PARP14: variants seen among roughly 807,000 people sequenced by gnomAD.
The protein encoded by PARP14 is protein mono-ADP-ribosyltransferase PARP14.
A neutral mutation model predicts 154.2 loss-of-function variants in PARP14; 59 were observed. The observed-to-expected ratio is 0.38, with a 90% CI of 0.31 to 0.48. PARP14 has a LOEUF of 0.48. Among genes scored for constraint, PARP14 ranks in the 20% least tolerant of loss-of-function variants. PARP14 has a pLI of 0.98. For synonymous variants in PARP14, 720 were observed against 780.5 expected, an observed-to-expected ratio of 0.92 and a Z score of 1.29; for missense variants, 1,734 against 2,131.6, an observed-to-expected ratio of 0.81 and a Z score of 3.67.
At position 122,700,070 on chromosome 3, in the gene PARP14, C is replaced by T; in HGVS notation, c.1516C>T (p.Gln506Ter). 6.2e-7 allele frequency: 1 copy of T among 1,613,766 alleles called. No individual in the cohort carries two copies. Among genetic ancestry groups the T allele is most frequent in the Non-Finnish European group, 8.5e-7 (1 of 1,179,740 alleles). Residue 506 changes from glutamine to a stop codon, truncating the protein, a stop_gained, in exon 6 of 17, where the codon CAA becomes TAA. Transcript: ENST00000474629. LOFTEE classifies it high-confidence loss of function. ...AGAGATTTGTTACGATAGAGTCACTCAACACTTGTGCTTGAAAGGACCTAG... is the reference window on the plus strand; with the variant it reads ...AGAGATTTGTTACGATAGAGTCACTTAACACTTGTGCTTGAAAGGACCTAG... ...EIEICYDRVT[Q>*]HLCLKGPSAD...
At chr3:122,728,031 A>G in intron 16 of PARP14, 45 bp downstream of exon 16, 1 of 1,555,008 alleles carries the variant, frequency 6.4e-7, no homozygotes, top group Non-Finnish European at 8.8e-7. Flanking sequence ...GGCATCAGCC[A>G]TGAGAGCCCG....
intron 9 of PARP14, among the ~76,000 whole-genome samples, chr3:122,712,998 G>A (rs1939371650): frequency 6.6e-6 from 1 of 152,204 alleles, no homozygotes; most frequent in South Asian, 2.1e-4. Context: ...AAAGCTGGGA[G>A]AGAAAAGAGG....
At chr3:122,694,960 A>T (rs1296292931) in intron 4 of PARP14, among the ~76,000 whole-genome samples, 2 of 152,238 alleles carry the variant, frequency 1.3e-5, no homozygotes, top group East Asian at 3.8e-4. Context: ...TACAAAAATA[A>T]TGACTAGTTT....
chr3:122,694,412 T>A (rs993971233), intron 4 of PARP14, among the ~76,000 whole-genome samples: 1 of 152,210 alleles, frequency 6.6e-6, no homozygotes, highest in Admixed American at 6.5e-5. Flanking sequence ...CAATAGGCAA[T>A]TTATTTGCTC....
intron 8 of PARP14, among the ~76,000 whole-genome samples, chr3:122,707,746 T>G (rs1167019646): frequency 6.6e-6 from 1 of 152,126 alleles, no homozygotes; most frequent in African/African-American, 2.4e-5. Flanking sequence ...TGCAGTGAAC[T>G]GTGATCACGC....
intron 3 of PARP14, among the ~76,000 whole-genome samples, chr3:122,691,979 A>C (rs1938555076): frequency 6.6e-6 from 1 of 152,212 alleles, no homozygotes; most frequent in African/African-American, 2.4e-5. Flanking sequence ...AAATTTTTAA[A>C]ATTCATTTCC....
chr3:122,690,359 T>G (rs1938499897), intron 3 of PARP14, among the ~76,000 whole-genome samples: 1 of 152,202 alleles, frequency 6.6e-6, no homozygotes, highest in Non-Finnish European at 1.5e-5. Context: ...TCTCACTTAG[T>G]GCTAATTTAT....
chr3:122,691,766 A>G (rs1938547132), intron 3 of PARP14, among the ~76,000 whole-genome samples: 1 of 152,230 alleles, frequency 6.6e-6, no homozygotes, highest in Non-Finnish European at 1.5e-5. Context: ...CTAGAAATAG[A>G]TATCAAGTGC....
intron 15 of PARP14, 60 bp downstream of exon 15, chr3:122,720,448 A>G: frequency 1.3e-6 from 2 of 1,514,034 alleles, no homozygotes; most frequent in East Asian, 2.3e-5. Flanking sequence ...TCATGGTCCT[A>G]TATAAAATCC....
rs1214624087 is a variant in PARP14 at position 122,701,038 on chromosome 3, G to T, written c.2484G>T (p.Lys828Asn). The T allele has an allele frequency of 3.7e-6, 6 of 1,613,996 alleles. No homozygotes were observed. Among genetic ancestry groups the T allele is most frequent in the Non-Finnish European group, 5.1e-6 (6 of 1,179,844 alleles). The change falls in exon 6 of 17, where the codon AAG becomes AAT. Residue 828 changes from lysine (K) to asparagine (N), a missense_variant. By Grantham distance (94) the Lys-to-Asn change is moderately conservative (BLOSUM62 0). Around this residue, in one of 2 missense-constraint regions of PARP14, gnomAD observed 1,646 missense variants for 1,976.0 expected, o/e 0.83. Coordinates refer to ENST00000474629, the MANE Select transcript of PARP14 (RefSeq NM_017554.3). The surrounding 1 kb of genome is among the most constrained non-coding windows in gnomAD (Gnocchi z 4.0). The stretch of plus-strand genomic sequence containing the variant: ...TGAATGCATCTAATGAGGACCTTAA[G>T]CATTATGGTGGCCTGGCCGCTGCGC... Reference protein sequence around the residue: ...VVVNASNEDLKHYGGLAAALS... With the variant: ...VVVNASNEDLNHYGGLAAALS...
chr3:122,687,018 AT>A (rs1363681454), intron 2 of PARP14, 61 bp from the exon 3 acceptor site: 48 of 1,213,534 alleles, frequency 4.0e-5, no homozygotes, highest in Admixed American at 3.8e-4. Context: ...TCCCAGGGAC[AT>A]TTTCTTATGT....
Position 122,704,652 on chromosome 3 carries a change from C to A in PARP14, c.3444C>A (p.Ile1148=). ...GFPKNIFAEL[I]ISEVFKFSSK... is the part of the protein sequence containing the mutation. ...CTAAAAACATATTCGCTGAATTAAT[C>A]ATTTCAGAGGTGTTCAAATTTAGTA... Residue 1148 remains isoleucine (I), a synonymous_variant, in exon 8 of 17, where the codon ATC becomes ATA. Transcript: ENST00000474629. 2 of 1,604,486 alleles carry A rather than the reference C, an allele frequency of 1.2e-6. No homozygotes were observed. Among genetic ancestry groups the A allele is most frequent in the Non-Finnish European group, 1.7e-6 (2 of 1,173,896 alleles).
At chr3:122,720,625 T>C (rs897996209) in intron 15 of PARP14, 9 of 555,474 alleles carry the variant, frequency 1.6e-5, no homozygotes, top group African/African-American at 3.8e-5. Flanking sequence ...TAAAGACATA[T>C]ATTTACTTTG....
rs764823251 is a variant in PARP14, at chr3:122,701,061, C to T, written c.2507C>T (p.Ala836Val). ...AAGCATTATGGTGGCCTGGCCGCTG[C>T]GCTCTCAAAAGCAGCTGGCCCTGAG... ...DLKHYGGLAA[A>V]LSKAAGPELQ... Residue 836 changes from alanine (A) to valine (V), a missense_variant, in exon 6 of 17, where the codon GCG becomes GTG. This residue lies in a region of PARP14 where 1,646 missense variants were observed against 1,976.0 expected (regional missense o/e 0.83). Transcript: ENST00000474629. The surrounding 1 kb of genome is among the most constrained non-coding windows in gnomAD (Gnocchi z 4.0). 103 of 1,613,830 alleles carry T rather than the reference C, an allele frequency of 6.4e-5. No homozygotes were observed. Among genetic ancestry groups the T allele is most frequent in the Non-Finnish European group, 7.9e-5 (93 of 1,179,852 alleles).
At chr3:122,691,118 C>T (rs78817964) in intron 3 of PARP14, among the ~76,000 whole-genome samples, 7,738 of 152,308 alleles carry the variant, frequency 0.051, 269 homozygotes, top group Middle Eastern at 0.088. Flanking sequence ...AGGAAGTAAG[C>T]AAAATGGATT....
intron 15 of PARP14, chr3:122,721,233 C>T: frequency 8.7e-6 from 2 of 230,440 alleles, no homozygotes; most frequent in Non-Finnish European, 8.6e-6. Context: ...GCTCCCAAAT[C>T]AACATTACCA....
At chr3:122,690,376 G>C (rs183812664) in intron 3 of PARP14, among the ~76,000 whole-genome samples, 2 of 152,098 alleles carry the variant, frequency 1.3e-5, no homozygotes, top group African/African-American at 4.8e-5. Flanking sequence ...TTATGTAGTT[G>C]CTTTATGCTT....
chr3:122,698,609 C>T (rs979042676), intron 5 of PARP14, among the ~76,000 whole-genome samples: 4 of 152,100 alleles, frequency 2.6e-5, no homozygotes, highest in African/African-American at 9.7e-5. Flanking sequence ...TCTATGTAAC[C>T]CTATCCAAGT....
chr3:122,728,917 GGCACAGCTAA>G lies in PARP14; in HGVS notation c.*329_*338del. On this transcript the variant is annotated 3_prime_UTR_variant, in exon 17 of 17. Transcript: ENST00000474629. ...GAGAATAACAGTCTTATAGACAGAG[GGCACAGCTAA>G]GCACAGCTGCCACTGCAGGAGACAG... The G allele has an allele frequency of 3.5e-6, 1 of 288,760 alleles. No homozygotes were observed. The highest frequency in any genetic ancestry group is 6.7e-6 in the Non-Finnish European group (1 of 150,218). 17.9% of individuals were successfully genotyped at this position (288,760 alleles called of 1,614,324 possible).
Sources: allele counts gnomAD v4.1 joint callset (sites outside exome capture counted in the v4.1 genomes callset), GRCh38; gene constraint gnomAD v4.1.1; regional missense constraint gnomAD v4.1.1; non-coding constraint Gnocchi (gnomAD v3.1); transcripts MANE v1.5; gene names NCBI Gene and HGNC (gene_info 2026-07-23, HGNC 2026-07-21).